MPPED2: variants seen among roughly 807,000 people sequenced by gnomAD.
MPPED2 encodes metallophosphoesterase domain containing 2.
A neutral mutation model predicts 33.0 loss-of-function variants in MPPED2; 5 were observed. That is an observed-to-expected ratio of 0.15 (90% CI 0.08 to 0.32). MPPED2 has a LOEUF of 0.32. Ranked by LOEUF, MPPED2 falls within the 10% of genes least tolerant of loss-of-function variation. MPPED2 has a pLI of 1.00. For synonymous variants in MPPED2, 136 were observed against 141.9 expected (o/e 0.96, Z 0.29); for missense variants, 275 against 372.1 (o/e 0.74, Z 2.15).
At chr11:30,440,220 C>G (rs2133892114) in intron 4 of MPPED2, among the ~76,000 whole-genome samples, 1 of 152,148 alleles carries the variant, frequency 6.6e-6, no homozygotes, top group South Asian at 2.1e-4. Context: ...ATCCCAGCTA[C>G]TCAGGAGGCT....
chr11:30,534,867 G>C (rs867457782), intron 3 of MPPED2, among the ~76,000 whole-genome samples: 1 of 151,992 alleles, frequency 6.6e-6, no homozygotes, highest in Non-Finnish European at 1.5e-5. Context: ...TTAAAGAAAG[G>C]CATAGCCAAC....
chr11:30,466,065 C>T (rs777788152), intron 4 of MPPED2, among the ~76,000 whole-genome samples: 3 of 152,164 alleles, frequency 2.0e-5, no homozygotes, highest in Non-Finnish European at 4.4e-5. Flanking sequence ...TTTCAGTTGG[C>T]CTGTTCCTTG....
At chr11:30,387,045 C>T (rs1947711845) in exon 7 of MPPED2, 4 of 342,228 alleles carry the variant, frequency 1.2e-5, no homozygotes, top group East Asian at 8.6e-5. Context: ...CTGGGAGCAT[C>T]TAACTGCACA....
intron 2 of MPPED2, among the ~76,000 whole-genome samples, chr11:30,548,265 G>A (rs1445468486): frequency 6.6e-6 from 1 of 151,738 alleles, no homozygotes; most frequent in Non-Finnish European, 1.5e-5. Flanking sequence ...CCAGCCTGGA[G>A]TGTAAAGGTG....
intron 2 of MPPED2, among the ~76,000 whole-genome samples, chr11:30,563,135 C>T (rs1455805456): frequency 6.6e-6 from 1 of 151,858 alleles, no homozygotes; most frequent in East Asian, 1.9e-4. Flanking sequence ...TTCAATGACA[C>T]CCAGCTTCCC....
At chr11:30,524,154 G>A (rs1954032955) in intron 3 of MPPED2, among the ~76,000 whole-genome samples, 1 of 152,156 alleles carries the variant, frequency 6.6e-6, no homozygotes, top group Non-Finnish European at 1.5e-5. Flanking sequence ...GTGGGAGGCT[G>A]AGGCAGGAGA....
At chr11:30,455,474 T>A (rs1365054827) in intron 4 of MPPED2, among the ~76,000 whole-genome samples, 1 of 152,246 alleles carries the variant, frequency 6.6e-6, no homozygotes, top group Non-Finnish European at 1.5e-5. Context: ...TGGAGTGAAT[T>A]TTGGCAATAG....
At chr11:30,494,436 A>G (rs946234453) in intron 4 of MPPED2, among the ~76,000 whole-genome samples, 2 of 152,094 alleles carry the variant, frequency 1.3e-5, no homozygotes, top group African/African-American at 4.8e-5. Context: ...CCAACCAAGG[A>G]TAGAAAATAT....
At chr11:30,498,351 A>G (rs944412961) in intron 3 of MPPED2, among the ~76,000 whole-genome samples, 2 of 152,096 alleles carry the variant, frequency 1.3e-5, no homozygotes, top group Non-Finnish European at 2.9e-5. Flanking sequence ...TTGGGAGGTC[A>G]AGACAGGCAG....
chr11:30,586,400 G>C (rs1447469976), upstream of MPPED2: 1 of 152,462 alleles, frequency 6.6e-6, no homozygotes, highest in Non-Finnish European at 1.5e-5. This position sits in a 1 kb window ranked among gnomAD's most constrained non-coding sequence, Gnocchi z 4.8. Flanking sequence ...CCAGGAAGCA[G>C]GGCGGCCGAG....
chr11:30,480,773 A>G (rs557195530), intron 4 of MPPED2, among the ~76,000 whole-genome samples: 16 of 152,266 alleles, frequency 1.1e-4, no homozygotes, highest in African/African-American at 3.8e-4. Context: ...GAAAAAAGTT[A>G]TGCATTTCAA....
chr11:30,484,396 A>AT (rs1951628566), intron 4 of MPPED2, among the ~76,000 whole-genome samples: 1 of 152,020 alleles, frequency 6.6e-6, no homozygotes, highest in Admixed American at 6.6e-5. Context: ...AACCAAGCTG[A>AT]TTTTTTATAT....
intron 4 of MPPED2, among the ~76,000 whole-genome samples, chr11:30,484,940 T>TAC: frequency 6.6e-6 from 1 of 152,200 alleles, no homozygotes; most frequent in Admixed American, 6.5e-5. Flanking sequence ...TTTTTGCTTC[T>TAC]TCTCTTCTAC....
chr11:30,436,690 C>T (rs1489167485), intron 4 of MPPED2, among the ~76,000 whole-genome samples: 1 of 152,168 alleles, frequency 6.6e-6, no homozygotes, highest in Non-Finnish European at 1.5e-5. Flanking sequence ...TTAGCCTGTG[C>T]TGTATTTATA....
intron 2 of MPPED2, among the ~76,000 whole-genome samples, chr11:30,572,797 C>A (rs182070237): frequency 5.9e-5 from 9 of 152,182 alleles, no homozygotes; most frequent in Non-Finnish European, 1.2e-4. Flanking sequence ...CCACCATATC[C>A]CAATGATGTC....
chr11:30,446,563 C>A (rs1009524480), intron 4 of MPPED2, among the ~76,000 whole-genome samples: 4 of 152,048 alleles, frequency 2.6e-5, no homozygotes, highest in African/African-American at 9.7e-5. Context: ...CTTGCTGCAG[C>A]CTCCATGCTC....
chr11:30,416,214 T>C (rs544052385), intron 5 of MPPED2, among the ~76,000 whole-genome samples: 2 of 152,246 alleles, frequency 1.3e-5, no homozygotes, highest in Non-Finnish European at 2.9e-5. Context: ...GAACTGCTGA[T>C]CCTGTGCAAA....
At chr11:30,390,934 A>G (rs1276965527) in intron 6 of MPPED2, among the ~76,000 whole-genome samples, 1 of 152,190 alleles carries the variant, frequency 6.6e-6, no homozygotes, top group African/African-American at 2.4e-5. Context: ...AAGACGATGG[A>G]AGTGAACTGA....
intron 2 of MPPED2, among the ~76,000 whole-genome samples, chr11:30,556,903 A>G (rs1373463576): frequency 6.6e-6 from 1 of 152,070 alleles, no homozygotes; most frequent in Non-Finnish European, 1.5e-5. Flanking sequence ...AAAATGTAAG[A>G]AGAAAGAGAA....
Sources: gnomAD v4.1 joint callset for allele counts (sites outside exome capture counted in the v4.1 genomes callset) on GRCh38, gnomAD v4.1.1 for gene constraint, Gnocchi (gnomAD v3.1) non-coding constraint, MANE v1.5 for transcripts, NCBI Gene and HGNC (gene_info 2026-07-23, HGNC 2026-07-21) for gene names.